The following BICC1 variants were observed in gnomAD, a reference collection of about 807,000 sequenced individuals.
The protein encoded by BICC1 is protein bicaudal C homolog 1.
Under a neutral mutation model 111.0 loss-of-function variants are expected in BICC1, and 43 were observed. That is an observed-to-expected ratio of 0.39 (90% CI 0.30 to 0.50). The LOEUF is 0.50. Among genes scored for constraint, BICC1 ranks in the 20% least tolerant of loss-of-function variants. The pLI, the probability that BICC1 is intolerant of heterozygous loss-of-function variation, is 0.88. For missense variants in BICC1, 1,091 were observed against 1,203.2 expected, an observed-to-expected ratio of 0.91 and a Z score of 1.38; for synonymous variants, 467 against 434.4, an observed-to-expected ratio of 1.07 and a Z score of -0.93.
At chr10:58,585,031 T>G (rs1464849672) in intron 1 of BICC1, among the ~76,000 whole-genome samples, 1 of 152,216 alleles carries the variant, frequency 6.6e-6, no homozygotes, top group Admixed American at 6.5e-5. Context: ...GGTTTCTAAT[T>G]TACAATTATA....
chr10:58,590,494 C>T (rs1844578206), intron 1 of BICC1, among the ~76,000 whole-genome samples: 1 of 152,124 alleles, frequency 6.6e-6, no homozygotes, highest in Non-Finnish European at 1.5e-5. Flanking sequence ...AATTTTGGTG[C>T]TTTCAGTTCC....
chr10:58,625,964 A>G (rs1157907400), intron 2 of BICC1, among the ~76,000 whole-genome samples: 1 of 152,192 alleles, frequency 6.6e-6, no homozygotes, highest in African/African-American at 2.4e-5. Context: ...AATTCAGTTA[A>G]CTCTGGCTCA....
chr10:58,719,485 T>C (rs1840869627), intron 3 of BICC1, among the ~76,000 whole-genome samples: 1 of 147,636 alleles, frequency 6.8e-6, no homozygotes. Context: ...CTCAGCACCT[T>C]ATTCATGCTT....
intron 1 of BICC1, among the ~76,000 whole-genome samples, chr10:58,593,343 A>G (rs1368409111): frequency 2.6e-5 from 4 of 152,300 alleles, no homozygotes; most frequent in African/African-American, 9.6e-5. Flanking sequence ...CCTGCCTGAC[A>G]GTTCTGAAGA....
intron 19 of BICC1, 148 bp downstream of exon 19, chr10:58,817,870 T>C: frequency 1.3e-6 from 1 of 781,370 alleles, no homozygotes; most frequent in Non-Finnish European, 1.9e-6. Flanking sequence ...AAGAAAAATG[T>C]CATCTCATTT....
intron 6 of BICC1, among the ~76,000 whole-genome samples, chr10:58,788,670 G>A (rs530741679): frequency 4.2e-4 from 64 of 152,168 alleles, no homozygotes; most frequent in South Asian, 1.5e-3. Flanking sequence ...GAGATGTTCT[G>A]GATTTTATCT....
chr10:58,582,767 C>A (rs1164409586), intron 1 of BICC1, among the ~76,000 whole-genome samples: 1 of 152,142 alleles, frequency 6.6e-6, no homozygotes, highest in Non-Finnish European at 1.5e-5. Flanking sequence ...TGGCTTGTGG[C>A]TCCTTCCTCC....
chr10:58,640,304 G>A (rs1838084797), intron 2 of BICC1, among the ~76,000 whole-genome samples: 1 of 152,124 alleles, frequency 6.6e-6, no homozygotes, highest in Admixed American at 6.5e-5. Flanking sequence ...CAGTTGTATA[G>A]GAAGAAACCA....
intron 9 of BICC1, 107 bp from the exon 10 acceptor site, chr10:58,796,231 CCT>C (rs775561496): frequency 7.7e-6 from 7 of 904,882 alleles, no homozygotes; most frequent in Non-Finnish European, 1.2e-5. Flanking sequence ...TGATATGTCC[CCT>C]GAGTGGAATT....
chr10:58,517,402 A>C (rs1056908308), intron 1 of BICC1, among the ~76,000 whole-genome samples: 1 of 152,236 alleles, frequency 6.6e-6, no homozygotes, highest in Non-Finnish European at 1.5e-5. Context: ...AGCAGCAACT[A>C]TGTTATCTCT....
intron 3 of BICC1, among the ~76,000 whole-genome samples, chr10:58,734,095 A>G (rs899023661): frequency 3.3e-5 from 5 of 152,216 alleles, no homozygotes; most frequent in African/African-American, 1.2e-4. Context: ...GGATCTGGGC[A>G]AAAATGAGGA....
Position 58,513,314 on chromosome 10 carries a change from A to AC in BICC1, c.172dup (p.Leu58ProfsTer2). 1 of 1,607,986 alleles carries AC rather than the reference A, an allele frequency of 6.2e-7. No homozygotes were observed. Among genetic ancestry groups the AC allele is most frequent in the Non-Finnish European group, 8.5e-7 (1 of 1,176,410 alleles). On this transcript the variant is annotated frameshift_variant, in exon 1 of 21. Coordinates refer to ENST00000373886, the MANE Select transcript of BICC1 (RefSeq NM_001080512.3). LOFTEE classifies it high-confidence loss of function. ...AGCGCTTCCGCGTGGACAGGAAGAA[A>AC]CTTGAGGCCATGTTACAAGGTAGGC... is the stretch of plus-strand genomic sequence containing the variant.
chr10:58,615,018 G>A (rs1188895233), intron 1 of BICC1, among the ~76,000 whole-genome samples: 1 of 151,222 alleles, frequency 6.6e-6, no homozygotes, highest in Admixed American at 6.6e-5. Flanking sequence ...ATCATTGAGG[G>A]TGGCTCTTTT....
At chr10:58,613,967 A>G (rs1291505714) in intron 1 of BICC1, among the ~76,000 whole-genome samples, 21 of 152,098 alleles carry the variant, frequency 1.4e-4, no homozygotes, top group Admixed American at 1.4e-3. Flanking sequence ...TATTTTATTT[A>G]TCTTATTTTT....
intron 1 of BICC1, among the ~76,000 whole-genome samples, chr10:58,565,419 C>T (rs117150692): frequency 1.2e-3 from 177 of 152,170 alleles, no homozygotes; most frequent in Non-Finnish European, 1.9e-3. Context: ...GCTGGTCAGT[C>T]AAATCTGCCA....
intron 9 of BICC1, among the ~76,000 whole-genome samples, chr10:58,795,971 C>G (rs755596532): frequency 6.6e-5 from 10 of 152,244 alleles, no homozygotes; most frequent in South Asian, 4.2e-4. Context: ...AACCCAGGTT[C>G]CCATCCTCTT....
intron 2 of BICC1, among the ~76,000 whole-genome samples, chr10:58,646,978 T>A (rs1838288870): frequency 6.6e-6 from 1 of 152,018 alleles, no homozygotes. Context: ...AAGAAAAAAA[T>A]TACAGAAAAA....
intron 1 of BICC1, among the ~76,000 whole-genome samples, chr10:58,576,219 T>G (rs1844107266): frequency 6.6e-6 from 1 of 152,140 alleles, no homozygotes; most frequent in Non-Finnish European, 1.5e-5. Context: ...AATCTGAGTT[T>G]TAAAATTTCA....
At chr10:58,622,190 A>C (rs1239286854) in intron 2 of BICC1, among the ~76,000 whole-genome samples, 1 of 152,116 alleles carries the variant, frequency 6.6e-6, no homozygotes, top group Non-Finnish European at 1.5e-5. Context: ...TCAAAGAAAA[A>C]AAAAATGAAA....
Sources: allele counts gnomAD v4.1 joint callset (sites outside exome capture counted in the v4.1 genomes callset), GRCh38; gene constraint gnomAD v4.1.1; transcripts MANE v1.5; gene names NCBI Gene and HGNC (gene_info 2026-07-23, HGNC 2026-07-21).